The following DYNC1I1 variants were observed in gnomAD, a reference collection of about 807,000 sequenced individuals.
DYNC1I1 encodes cytoplasmic dynein 1 intermediate chain 1.
In DYNC1I1, 43 loss-of-function variants were observed where a neutral mutation model predicts 86.6. The ratio of observed to expected loss-of-function variants is 0.50; its 90% CI spans 0.39 to 0.64. The LOEUF (loss-of-function observed/expected upper bound fraction) is 0.64. Ranked by LOEUF, DYNC1I1 falls within the 30% of genes least tolerant of loss-of-function variation. DYNC1I1 has a pLI of 0.00. For missense variants in DYNC1I1, 604 were observed against 788.8 expected (o/e 0.77, Z 2.81); for synonymous variants, 262 against 283.7 (o/e 0.92, Z 0.77).
chr7:95,984,639 C>T (rs1320609967), intron 7 of DYNC1I1, among the ~76,000 whole-genome samples, 176 bp from the exon 8 acceptor site: 1 of 151,962 alleles, frequency 6.6e-6, no homozygotes, highest in East Asian at 1.9e-4. Flanking sequence ...CTGCAGAAGC[C>T]TTTGGTGTGA....
intron 14 of DYNC1I1, among the ~76,000 whole-genome samples, chr7:96,066,088 C>T (rs538030428): frequency 6.6e-6 from 1 of 152,182 alleles, no homozygotes; most frequent in African/African-American, 2.4e-5. Context: ...CCTACCCAAA[C>T]CAAAATTATT....
rs1794868711 is a variant in DYNC1I1, at chr7:95,813,171, T to A, written c.224-76T>A. On this transcript the variant is annotated intron_variant, in intron 3 of 16. Transcript: ENST00000447467. ...TTTAATTTGGGCCCATTTGTTTTGA[T>A]TTGTCTGACACTGCTCTTCACCAGT... 1.9e-6 allele frequency: 3 copies of A among 1,610,792 alleles called. No homozygotes were observed. In the East Asian group the frequency reaches 6.7e-5, roughly 36 times the overall value.
At chr7:95,836,977 C>T (rs548142735) in intron 5 of DYNC1I1, among the ~76,000 whole-genome samples, 2 of 152,180 alleles carry the variant, frequency 1.3e-5, no homozygotes. Flanking sequence ...TCGTCAAGGT[C>T]GTTCTCCGTC....
At chr7:95,883,526 G>T (rs760000687) in intron 6 of DYNC1I1, among the ~76,000 whole-genome samples, 4 of 152,160 alleles carry the variant, frequency 2.6e-5, no homozygotes, top group African/African-American at 4.8e-5. Context: ...TCCGTGGAAT[G>T]ACATGGTGGT....
intron 1 of DYNC1I1, among the ~76,000 whole-genome samples, chr7:95,780,547 G>C (rs1392023948): frequency 6.6e-6 from 1 of 151,736 alleles, no homozygotes; most frequent in Non-Finnish European, 1.5e-5. Flanking sequence ...CAAAGTGCTG[G>C]GATTACAGGT....
At chr7:96,044,086 A>G (rs1789136950) in intron 14 of DYNC1I1, among the ~76,000 whole-genome samples, 1 of 152,188 alleles carries the variant, frequency 6.6e-6, no homozygotes, top group African/African-American at 2.4e-5. Context: ...ATATGATATT[A>G]GGGATTTGCT....
At chr7:96,014,538 G>C (rs552252671) in intron 10 of DYNC1I1, among the ~76,000 whole-genome samples, 1 of 152,340 alleles carries the variant, frequency 6.6e-6, no homozygotes, top group Non-Finnish European at 1.5e-5. Context: ...TGGTCTCACT[G>C]TTGGTGTCAT....
intron 1 of DYNC1I1, among the ~76,000 whole-genome samples, chr7:95,789,888 A>T (rs760141503): frequency 6.6e-6 from 1 of 152,228 alleles, no homozygotes; most frequent in Admixed American, 6.5e-5. Flanking sequence ...CAGTAAATGT[A>T]TGTATGTGTG....
rs892559172 is a variant in DYNC1I1 at position 95,803,581 on chromosome 7, G to A, written c.-9-1140G>A. Among the ~76,000 whole-genome samples the A allele has an allele frequency of 1.1e-4, 16 of 152,318 alleles. No homozygotes were observed. The Middle Eastern group carries it at 0.01, about 97-fold the overall frequency. On this transcript the variant is annotated intron_variant, in intron 1 of 16. Transcript: ENST00000447467. The stretch of plus-strand genomic sequence containing the variant: ...GAGTGACTGTAGATTCATGATTACC[G>A]TCTGGGGACAACGACAAAAAAGTTG...
rs183314083 is a variant in DYNC1I1, at chr7:95,852,514, T to C, written c.375-17369T>C. On this transcript the variant is annotated intron_variant, in intron 5 of 16. Coordinates refer to ENST00000447467, the MANE Select transcript of DYNC1I1 (RefSeq NM_001135556.2). Reference sequence around the variant, plus strand: ...TTTTCTTCTCTAATTTATTTATTATTATTATTATTTTGAGATGGAGTCTCA... The same window carrying C: ...TTTTCTTCTCTAATTTATTTATTATCATTATTATTTTGAGATGGAGTCTCA... Among the ~76,000 whole-genome samples the C allele has an allele frequency of 7.1e-3, 1,077 of 152,166 alleles. 4 individuals carry two copies. Among genetic ancestry groups the C allele is most frequent in the Non-Finnish European group, 0.011 (768 of 68,002 alleles).
chr7:95,977,823 G>A (rs550736919), intron 7 of DYNC1I1, among the ~76,000 whole-genome samples: 38 of 152,248 alleles, frequency 2.5e-4, no homozygotes, highest in South Asian at 2.1e-4. Context: ...AGTGCAAAAC[G>A]TCCACAATTT....
intron 16 of DYNC1I1, among the ~76,000 whole-genome samples, chr7:96,081,472 C>T (rs1241741008): frequency 6.6e-6 from 1 of 152,074 alleles, no homozygotes; most frequent in Non-Finnish European, 1.5e-5. Flanking sequence ...TTGACCAAAA[C>T]CTTCATTTCT....
chr7:95,876,141 T>C (rs931050236), intron 6 of DYNC1I1, among the ~76,000 whole-genome samples: 12 of 151,014 alleles, frequency 7.9e-5, no homozygotes, highest in Admixed American at 7.2e-4. Context: ...GGAGTGTGGT[T>C]CAAGAACCCT....
intron 10 of DYNC1I1, among the ~76,000 whole-genome samples, chr7:96,002,613 T>G (rs1794038670): frequency 6.6e-6 from 1 of 152,152 alleles, no homozygotes; most frequent in Non-Finnish European, 1.5e-5. Context: ...AGAATGAAAT[T>G]CAAAATATGT....
At chr7:95,892,855 A>AT (rs34802529) in intron 6 of DYNC1I1, among the ~76,000 whole-genome samples, 30,695 of 152,074 alleles carry the variant, frequency 0.2, 3,247 homozygotes, top group African/African-American at 0.28. Flanking sequence ...GCCCAATACC[A>AT]TTTCATGAGT....
intron 6 of DYNC1I1, among the ~76,000 whole-genome samples, chr7:95,932,080 C>G (rs1327387949): frequency 1.3e-5 from 2 of 152,060 alleles, no homozygotes; most frequent in Admixed American, 1.3e-4. Context: ...TAACAGAATA[C>G]CTTCAAGATT....
intron 6 of DYNC1I1, among the ~76,000 whole-genome samples, chr7:95,899,047 A>C (rs1790965706): frequency 6.6e-6 from 1 of 152,102 alleles, no homozygotes; most frequent in Non-Finnish European, 1.5e-5. Flanking sequence ...TTTTTTTTCC[A>C]AGTACTTGTA....
chr7:95,819,339 T>C (rs144429214), intron 4 of DYNC1I1, among the ~76,000 whole-genome samples: 1 of 152,296 alleles, frequency 6.6e-6, no homozygotes, highest in African/African-American at 2.4e-5. Flanking sequence ...TTGTCCTGTC[T>C]GCATGTAGTT....
At chr7:95,827,321 C>T (rs1054803010) in intron 4 of DYNC1I1, among the ~76,000 whole-genome samples, 6 of 152,168 alleles carry the variant, frequency 3.9e-5, no homozygotes, top group Non-Finnish European at 8.8e-5. Context: ...TGAGAAAAGT[C>T]CTGGCATGTG....
Sources: gnomAD v4.1 joint callset for allele counts (sites outside exome capture counted in the v4.1 genomes callset) on GRCh38, gnomAD v4.1.1 for gene constraint, MANE v1.5 for transcripts, NCBI Gene and HGNC (gene_info 2026-07-23, HGNC 2026-07-21) for gene names.